Variants in ODAD2 observed in about 807,000 individuals in gnomAD.
ODAD2 encodes outer dynein arm-docking complex subunit 2.
In ODAD2, 89 loss-of-function variants were observed where a neutral mutation model predicts 106.8. The ratio of observed to expected loss-of-function variants is 0.83; its 90% confidence interval spans 0.70 to 0.99. The LOEUF is 0.99. Ranked by LOEUF, ODAD2 falls within the 50% of genes least tolerant of loss-of-function variation. ODAD2 has a pLI of 0.00. For synonymous variants in ODAD2, 404 were observed against 436.2 expected, an observed-to-expected ratio of 0.93 and a Z score of 0.92; for missense variants, 1,168 against 1,238.5, an observed-to-expected ratio of 0.94 and a Z score of 0.85.
At chr10:27,864,540 G>T (rs1840294313) in intron 17 of ODAD2, among the ~76,000 whole-genome samples, 2 of 150,466 alleles carry the variant, frequency 1.3e-5, no homozygotes, top group African/African-American at 4.9e-5. Context: ...AGTGAGGTGA[G>T]AGCGGGGAGT....
intron 17 of ODAD2, among the ~76,000 whole-genome samples, chr10:27,881,265 T>C (rs1841686566): frequency 6.6e-6 from 1 of 152,192 alleles, no homozygotes; most frequent in Admixed American, 6.5e-5. Context: ...ATTTATTTGA[T>C]TCCACATGTC....
chr10:27,927,468 A>T (rs1845332628), intron 16 of ODAD2, among the ~76,000 whole-genome samples: 1 of 152,186 alleles, frequency 6.6e-6, no homozygotes. Context: ...TAGCAATAAT[A>T]GCCATGCCTG....
In ODAD2 at chr10:27,940,750, T is replaced by C. The variant is rs369955640; in HGVS notation, c.1799A>G (p.Tyr600Cys). The change falls in exon 13 of 20, where the codon TAT (tyrosine) becomes TGT (cysteine). Residue 600 changes from tyrosine to cysteine, a missense_variant. Tyr to Cys is a radical substitution (Grantham distance 194). Around this residue, in one of 3 missense-constraint regions of ODAD2, gnomAD observed 701 missense variants for 712.3 expected, o/e 0.98. Transcript: ENST00000305242. ...AGCCACTTCCACGTCTCTGGCCTCA[T>C]ACAGACTCGATTGGGCAGGTTTTGT... Reference protein sequence around the residue: ...DSTKPAQSSLYEARDVEVARC... With the variant: ...DSTKPAQSSLCEARDVEVARC... 58 of 1,614,012 alleles carry C rather than the reference T, an allele frequency of 3.6e-5. No individual in the cohort carries two copies. The highest frequency in any genetic ancestry group is 4.6e-5 in the Non-Finnish European group (54 of 1,180,002).
intron 14 of ODAD2, among the ~76,000 whole-genome samples, chr10:27,939,415 A>T (rs193058189): frequency 6.6e-6 from 1 of 152,242 alleles, no homozygotes; most frequent in Admixed American, 6.5e-5. Flanking sequence ...AATCCAATGG[A>T]GTTCTTGTTA....
intron 17 of ODAD2, among the ~76,000 whole-genome samples, chr10:27,891,073 C>A (rs1305137144): frequency 3.9e-5 from 6 of 152,146 alleles, no homozygotes; most frequent in Admixed American, 1.3e-4. Flanking sequence ...CACAAGCCTT[C>A]TTCTCAAAGT....
intron 9 of ODAD2, among the ~76,000 whole-genome samples, chr10:27,966,289 C>G (rs1478120555): frequency 6.6e-6 from 1 of 152,146 alleles, no homozygotes; most frequent in Non-Finnish European, 1.5e-5. Flanking sequence ...CAAGAAGTGA[C>G]TTAAACTTAA....
At chr10:27,963,791 T>C (rs563076199) in intron 9 of ODAD2, among the ~76,000 whole-genome samples, 1 of 140,520 alleles carries the variant, frequency 7.1e-6, no homozygotes, top group East Asian at 2.0e-4. Context: ...ATTACCCTTT[T>C]TTGAAGTGAG....
chr10:27,930,867 T>C (rs560281904), intron 16 of ODAD2, among the ~76,000 whole-genome samples: 1 of 152,362 alleles, frequency 6.6e-6, no homozygotes, highest in African/African-American at 2.4e-5. Flanking sequence ...CAATCTGGTT[T>C]ACTCTAAATC....
chr10:27,826,387 G>A (rs1012336258), intron 19 of ODAD2, among the ~76,000 whole-genome samples: 5 of 152,076 alleles, frequency 3.3e-5, no homozygotes, highest in African/African-American at 1.2e-4. Flanking sequence ...GTGTTGCCCG[G>A]TCATCCACCC....
At chr10:27,993,959 A>AATATATATATATAT (rs33977457) in intron 2 of ODAD2, among the ~76,000 whole-genome samples, 138 of 129,650 alleles carry the variant, frequency 1.1e-3, no homozygotes, top group African/African-American at 3.6e-3. Context: ...GAGGCTGGCA[A>AATATATATATATAT]ATATATATAT....
At chr10:27,856,222 T>C (rs574385051) in intron 19 of ODAD2, among the ~76,000 whole-genome samples, 2 of 152,276 alleles carry the variant, frequency 1.3e-5, no homozygotes, top group Non-Finnish European at 2.9e-5. Context: ...CTGTGCAAAA[T>C]CATAAAGAGA....
intron 14 of ODAD2, among the ~76,000 whole-genome samples, chr10:27,937,881 G>T (rs534140403): frequency 6.6e-6 from 1 of 152,244 alleles, no homozygotes; most frequent in African/African-American, 2.4e-5. Flanking sequence ...ATATATACAA[G>T]TCAGGGCTAT....
intron 10 of ODAD2, 128 bp from the exon 11 acceptor site, chr10:27,945,090 G>A (rs1038142087): frequency 1.6e-5 from 17 of 1,065,980 alleles, no homozygotes; most frequent in Non-Finnish European, 2.1e-5. Context: ...AAATGAATCA[G>A]GTAGAGCCGA....
intron 10 of ODAD2, among the ~76,000 whole-genome samples, chr10:27,959,610 C>G (rs571571287): frequency 2.0e-5 from 3 of 152,102 alleles, no homozygotes; most frequent in Non-Finnish European, 4.4e-5. Flanking sequence ...GAATCTAGCC[C>G]GTGCTCCATG....
At chr10:27,890,193 C>T (rs959927430) in intron 17 of ODAD2, among the ~76,000 whole-genome samples, 6 of 152,100 alleles carry the variant, frequency 3.9e-5, no homozygotes, top group Non-Finnish European at 8.8e-5. Flanking sequence ...GATGGGGTCA[C>T]AGTGCAATGG....
intron 16 of ODAD2, among the ~76,000 whole-genome samples, chr10:27,924,007 AAAGAAAGAAAGAAAGAAG>A (rs1845013635): frequency 5.5e-5 from 7 of 126,554 alleles, no homozygotes; most frequent in African/African-American, 1.8e-4. Context: ...AGAAAGAAAG[AAAGAAAGAAAGAAAGAAG>A]GAAAGAGAAA....
intron 17 of ODAD2, among the ~76,000 whole-genome samples, chr10:27,873,093 T>C (rs1841041871): frequency 6.6e-6 from 1 of 151,792 alleles, no homozygotes; most frequent in East Asian, 1.9e-4. Flanking sequence ...GGAGGGTGTA[T>C]GTGTCCAGGA....
chr10:27,891,532 A>T (rs1842564507), intron 17 of ODAD2, among the ~76,000 whole-genome samples: 1 of 152,138 alleles, frequency 6.6e-6, no homozygotes, highest in African/African-American at 2.4e-5. Context: ...CAACTGACTT[A>T]TTATACATTC....
chr10:27,826,576 G>T (rs1040492686), intron 19 of ODAD2, among the ~76,000 whole-genome samples: 2 of 151,936 alleles, frequency 1.3e-5, no homozygotes, highest in African/African-American at 2.4e-5. Flanking sequence ...GCCACCACAC[G>T]CACAGATTCC....
Sources: allele counts gnomAD v4.1 joint callset (sites outside exome capture counted in the v4.1 genomes callset), GRCh38; gene constraint gnomAD v4.1.1; regional missense constraint gnomAD v4.1.1; transcripts MANE v1.5; gene names NCBI Gene and HGNC (gene_info 2026-07-23, HGNC 2026-07-21).